The following ATP11A variants were observed in gnomAD, a reference collection of about 807,000 sequenced individuals.
ATP11A encodes ATPase phospholipid transporting 11A.
ATP11A carries 81 observed loss-of-function variants against 154.4 expected under a neutral mutation model. That is an observed-to-expected ratio of 0.52 (90% confidence interval 0.44 to 0.63). ATP11A has a LOEUF of 0.63. ATP11A is among the 30% of genes least tolerant of loss of function. The probability of loss-of-function intolerance (pLI) is 0.00; values close to 1 mark genes in which losing one functional copy is unlikely to be tolerated. For missense variants in ATP11A, 1,316 were observed against 1,474.3 expected, an observed-to-expected ratio of 0.89 and a Z score of 1.76; for synonymous variants, 623 against 585.9, an observed-to-expected ratio of 1.06 and a Z score of -0.91.
At chr13:112,735,948 C>T (rs980772495) in intron 1 of ATP11A, among the ~76,000 whole-genome samples, 1 of 152,006 alleles carries the variant, frequency 6.6e-6, no homozygotes, top group African/African-American at 2.4e-5. Flanking sequence ...GCCGGGCCAC[C>T]TCCCGCACCT....
intron 1 of ATP11A, among the ~76,000 whole-genome samples, chr13:112,741,983 C>A (rs1290523325): frequency 4.6e-5 from 7 of 151,834 alleles, no homozygotes; most frequent in Non-Finnish European, 1.0e-4. Flanking sequence ...GAGTGGTTCC[C>A]CCACCACAGA....
In ATP11A at chr13:112,825,528, G is replaced by A. The variant is rs1253467108; in HGVS notation, c.971G>A (p.Arg324Gln). 1.1e-5 allele frequency: 18 copies of A among 1,613,792 alleles called. No homozygotes were observed. Among genetic ancestry groups the A allele is most frequent in the East Asian group, 2.2e-5 (1 of 44,898 alleles). ...TACATGTGGCAGAGTGAGCCCTTTC[G>A]GGATGAGCCGTGGTATAATCAGAAA... is the stretch of plus-strand genomic sequence containing the variant. Reference protein sequence around the residue: ...LKYMWQSEPFRDEPWYNQKTE... With the variant: ...LKYMWQSEPFQDEPWYNQKTE... The change falls in exon 11 of 30, where the codon CGG becomes CAG. Residue 324 changes from arginine to glutamine, a missense_variant. Arg to Gln is a conservative substitution (Grantham distance 43). Transcript: ENST00000375645.
chr13:112,716,652 C>T (rs10874477), intron 1 of ATP11A, among the ~76,000 whole-genome samples: 1 of 152,044 alleles, frequency 6.6e-6, no homozygotes, highest in Admixed American at 6.5e-5. Context: ...GACTCTCACC[C>T]ATGTCTTGGG....
chr13:112,841,661 C>T (rs1594142378), intron 16 of ATP11A, among the ~76,000 whole-genome samples: 1 of 152,394 alleles, frequency 6.6e-6, no homozygotes, highest in East Asian at 1.9e-4. Flanking sequence ...CTCTGTGTGT[C>T]AGGAGCAGGT....
chr13:112,702,799 G>A lies in ATP11A; in HGVS notation c.39+12344G>A, dbSNP rs1284585461. ...GAAGAGCGGGCGGTGTGCGTGTCTC[G>A]CAGCGCCCCCACCTCGGTGTCTCAG... is the stretch of plus-strand genomic sequence containing the variant. On this transcript the variant is annotated intron_variant, in intron 1 of 29. Transcript: ENST00000375645. Among the ~76,000 whole-genome samples the A allele has an allele frequency of 3.9e-5, 6 of 152,348 alleles. No individual in the cohort carries two copies. In the South Asian group the frequency reaches 8.3e-4, roughly 21 times the overall value.
chr13:112,868,616 G>A (rs1388297323), intron 25 of ATP11A, among the ~76,000 whole-genome samples: 1 of 152,168 alleles, frequency 6.6e-6, no homozygotes, highest in Non-Finnish European at 1.5e-5. Context: ...GGAAGAAAAG[G>A]GTCCCTGTGA....
intron 1 of ATP11A, among the ~76,000 whole-genome samples, chr13:112,722,619 T>C (rs1010376741): frequency 2.0e-5 from 3 of 152,202 alleles, no homozygotes; most frequent in Non-Finnish European, 4.4e-5. Context: ...AGGATAACTT[T>C]GGAGTGCCCT....
chr13:112,776,928 C>T (rs2077363571), intron 1 of ATP11A, among the ~76,000 whole-genome samples: 1 of 152,192 alleles, frequency 6.6e-6, no homozygotes, highest in Non-Finnish European at 1.5e-5. Flanking sequence ...GGCTTCAGCT[C>T]CTGGCCTGAG....
At chr13:112,802,682 G>GT (rs1419455828) in intron 2 of ATP11A, among the ~76,000 whole-genome samples, 1 of 152,022 alleles carries the variant, frequency 6.6e-6, no homozygotes, top group African/African-American at 2.4e-5. Flanking sequence ...TTGTAGAAAT[G>GT]TAGGAGAAAG....
At chr13:112,698,969 C>G (rs1886200684) in intron 1 of ATP11A, among the ~76,000 whole-genome samples, 1 of 152,176 alleles carries the variant, frequency 6.6e-6, no homozygotes, top group Admixed American at 6.5e-5. Flanking sequence ...CTCAAATGAT[C>G]CATCTGCCTC....
At chr13:112,857,585 C>T (rs186839184) in intron 20 of ATP11A, among the ~76,000 whole-genome samples, 65 of 152,322 alleles carry the variant, frequency 4.3e-4, no homozygotes, top group African/African-American at 1.4e-3. Flanking sequence ...TTCCAGCTCA[C>T]GTCATTTTAA....
At position 112,842,286 on chromosome 13, in the gene ATP11A, T is replaced by C. The variant is rs757847362; in HGVS notation, c.1716T>C (p.Tyr572=). 2 of 1,609,380 alleles carry C rather than the reference T, an allele frequency of 1.2e-6. No homozygotes were observed. Among genetic ancestry groups the C allele is most frequent in the Non-Finnish European group, 1.7e-6 (2 of 1,177,368 alleles). The change falls in exon 17 of 30, where the codon TAT becomes TAC. Residue 572 remains tyrosine (Y), a synonymous_variant. Coordinates refer to ENST00000375645, the MANE Select transcript of ATP11A (RefSeq NM_015205.3). ...TTTCTCATTTTGTAGGAGAAATTTA[T>C]CTGTTTTGCAAAGGAGCAGATTCTT... The part of the protein sequence containing the change: ...VIVKSATGEI[Y]LFCKGADSSI...
At chr13:112,695,964 G>T (rs1198482502) in intron 1 of ATP11A, among the ~76,000 whole-genome samples, 1 of 152,188 alleles carries the variant, frequency 6.6e-6, no homozygotes. Flanking sequence ...CTTTCACTTG[G>T]ATATTATTAT....
intron 1 of ATP11A, among the ~76,000 whole-genome samples, chr13:112,701,614 C>T (rs899578401): frequency 1.3e-5 from 2 of 151,876 alleles, no homozygotes; most frequent in South Asian, 2.1e-4. Flanking sequence ...GGGCGGATCA[C>T]GAGGTCGGGA....
chr13:112,713,323 A>T (rs1887980674), intron 1 of ATP11A, among the ~76,000 whole-genome samples: 1 of 152,218 alleles, frequency 6.6e-6, no homozygotes, highest in South Asian at 2.1e-4. Context: ...TGAACCTGGG[A>T]GGCGGAGGTT....
At chr13:112,716,076 G>T (rs917272676) in intron 1 of ATP11A, among the ~76,000 whole-genome samples, 1 of 152,002 alleles carries the variant, frequency 6.6e-6, no homozygotes, top group Non-Finnish European at 1.5e-5. Context: ...GGAGAGGCTT[G>T]GAGCTCATTC....
chr13:112,829,144 T>TTGGAACACAAA (rs1200884034), intron 12 of ATP11A, among the ~76,000 whole-genome samples: 19 of 152,210 alleles, frequency 1.2e-4, no homozygotes, highest in Non-Finnish European at 7.3e-5. Context: ...CACGAGTGCC[T>TTGGAACACAAA]TGGAACACAA....
intron 22 of ATP11A, 59 bp downstream of exon 22, chr13:112,858,349 C>T (rs779716255): frequency 4.4e-5 from 67 of 1,531,292 alleles, no homozygotes; most frequent in East Asian, 6.8e-5. Flanking sequence ...CAGGGTGGCA[C>T]GACCCTTGTC....
chr13:112,794,290 C>T (rs972920863), intron 2 of ATP11A, among the ~76,000 whole-genome samples: 3 of 152,142 alleles, frequency 2.0e-5, no homozygotes, highest in Non-Finnish European at 4.4e-5. Flanking sequence ...AATTCAACAA[C>T]GATGAGCGAA....
Sources: gnomAD v4.1 joint callset for allele counts (sites outside exome capture counted in the v4.1 genomes callset) on GRCh38, gnomAD v4.1.1 for gene constraint, MANE v1.5 for transcripts, NCBI Gene and HGNC (gene_info 2026-07-23, HGNC 2026-07-21) for gene names.